The following RBMS1 variants were observed in gnomAD, a reference collection of about 807,000 sequenced individuals.
RBMS1 encodes RNA binding motif single stranded interacting protein 1, also known as RNA-binding motif, single-stranded-interacting protein 1.
Under a neutral mutation model 62.3 loss-of-function variants are expected in RBMS1, and 17 were observed. The ratio of observed to expected loss-of-function variants is 0.27; its 90% CI spans 0.19 to 0.41. The LOEUF (loss-of-function observed/expected upper bound fraction) is 0.41, where lower values mean the gene tolerates loss of function less well. Ranked by LOEUF, RBMS1 falls within the 10% of genes least tolerant of loss-of-function variation. The pLI is 1.00. For missense variants in RBMS1, 334 were observed against 504.5 expected (o/e 0.66, Z 3.24); for synonymous variants, 172 against 170.0 (o/e 1.01, Z -0.09).
chr2:160,453,871 C>T (rs1180345961), intron 1 of RBMS1, among the ~76,000 whole-genome samples: 1 of 152,138 alleles, frequency 6.6e-6, no homozygotes, highest in Non-Finnish European at 1.5e-5. Flanking sequence ...ACTTTGGTGC[C>T]CCTCTACCTT....
chr2:160,318,229 T>TATAAAA lies in RBMS1; in HGVS notation c.252-3_252-2insTTTTAT. ...TTTGTGGAGACTATTTTCCCATATCTAAAAAAAAAAAAAAAAAAAAAAAGG... is the reference window on the plus strand; with the variant it reads ...TTTGTGGAGACTATTTTCCCATATCTATAAAAAAAAAAAAAAAAAAAAAAAAAAAGG... On this transcript the variant is annotated splice_polypyrimidine_tract_variant and splice_region_variant and intron_variant, in intron 2 of 13. Transcript: ENST00000348849. 1 of 1,163,254 alleles carries TATAAAA rather than the reference T, an allele frequency of 8.6e-7. No homozygotes were observed. The highest frequency in any genetic ancestry group is 3.6e-5 in the East Asian group (1 of 28,056). 72.1% of individuals were successfully genotyped at this position (1,163,254 alleles called of 1,614,324 possible). A position where few individuals can be genotyped will look rare whatever the true frequency, so the allele number is the denominator to read the frequency against.
chr2:160,300,541 C>A, intron 6 of RBMS1, 110 bp downstream of exon 6: 2 of 1,356,000 alleles, frequency 1.5e-6, no homozygotes, highest in Non-Finnish European at 9.6e-7. Flanking sequence ...CAAAATGCAT[C>A]TTAAAGAGTG....
intron 2 of RBMS1, among the ~76,000 whole-genome samples, chr2:160,355,840 G>A (rs889840076): frequency 1.3e-5 from 2 of 152,006 alleles, no homozygotes; most frequent in Non-Finnish European, 2.9e-5. Flanking sequence ...TCTACATTAT[G>A]TGTGAAGTTC....
At chr2:160,302,248 G>A (rs1250430176) in intron 5 of RBMS1, among the ~76,000 whole-genome samples, 1 of 151,384 alleles carries the variant, frequency 6.6e-6, no homozygotes, top group Non-Finnish European at 1.5e-5. Flanking sequence ...AGGCTGGAGT[G>A]CACTGGCATG....
At chr2:160,466,709 G>C (rs1258381678) in intron 1 of RBMS1, among the ~76,000 whole-genome samples, 6 of 152,186 alleles carry the variant, frequency 3.9e-5, no homozygotes, top group African/African-American at 1.2e-4. Context: ...TTGTGGATAA[G>C]TAACTTAAGT....
rs1235848518 is a variant in RBMS1 at position 160,300,681 on chromosome 2, T to G, written c.610A>C (p.Lys204Gln). ...ACTCCTGGTGGTGTCTTAATAAATT[T>G]TCCATTAAAATGACCAATAACAGCT... ...CEAVIGHFNG[K>Q]FIKTPPGVSA... Residue 204 changes from lysine (K) to glutamine (Q), a missense_variant, in exon 6 of 14, where the codon AAA becomes CAA. Lys to Gln is a moderately conservative substitution (Grantham distance 53). This residue lies in a region of RBMS1 where 182 missense variants were observed against 257.7 expected (regional missense o/e 0.71). Coordinates refer to ENST00000348849, the MANE Select transcript of RBMS1 (RefSeq NM_016836.4). 1 of 1,603,106 alleles carries G rather than the reference T, an allele frequency of 6.2e-7. No homozygotes were observed. Among genetic ancestry groups the G allele is most frequent in the African/African-American group, 1.3e-5 (1 of 74,628 alleles).
intron 2 of RBMS1, among the ~76,000 whole-genome samples, chr2:160,359,288 C>T (rs1692990380): frequency 6.6e-6 from 1 of 152,126 alleles, no homozygotes; most frequent in Non-Finnish European, 1.5e-5. Context: ...GCAATGAAAC[C>T]TTTGGTCTAT....
intron 4 of RBMS1, among the ~76,000 whole-genome samples, chr2:160,312,674 G>A (rs1011068882): frequency 1.3e-5 from 2 of 152,000 alleles, no homozygotes; most frequent in African/African-American, 4.8e-5. Flanking sequence ...GCCCACATGT[G>A]CATTAAAACT....
At chr2:160,442,161 C>T (rs1180572700) in intron 1 of RBMS1, among the ~76,000 whole-genome samples, 3 of 152,120 alleles carry the variant, frequency 2.0e-5, no homozygotes, top group East Asian at 1.9e-4. Context: ...TGATAATGTC[C>T]GATTTATCAA....
intron 1 of RBMS1, among the ~76,000 whole-genome samples, chr2:160,488,902 A>G (rs1685710798): frequency 6.6e-6 from 1 of 152,210 alleles, no homozygotes; most frequent in South Asian, 2.1e-4. Context: ...TAAACTATTA[A>G]AAATACAAAG....
intron 1 of RBMS1, among the ~76,000 whole-genome samples, chr2:160,374,905 G>A (rs2105174969): frequency 6.6e-6 from 1 of 152,158 alleles, no homozygotes; most frequent in African/African-American, 2.4e-5. Flanking sequence ...ACTCCAGCCT[G>A]GGCAACAAGA....
At chr2:160,400,640 T>C (rs551011124) in intron 1 of RBMS1, among the ~76,000 whole-genome samples, 2 of 152,190 alleles carry the variant, frequency 1.3e-5, no homozygotes, top group Non-Finnish European at 2.9e-5. Context: ...TGAAATTTCA[T>C]ATATATAGCT....
chr2:160,401,274 G>A (rs1234761773), intron 1 of RBMS1, among the ~76,000 whole-genome samples: 1 of 152,162 alleles, frequency 6.6e-6, no homozygotes, highest in Non-Finnish European at 1.5e-5. Context: ...AATGAATAAA[G>A]TGGAGCCAAC....
intron 1 of RBMS1, among the ~76,000 whole-genome samples, chr2:160,463,092 G>GAA (rs11372291): frequency 4.0e-5 from 6 of 149,172 alleles, no homozygotes; most frequent in Admixed American, 1.3e-4. Flanking sequence ...AGAGAAGAAA[G>GAA]AAAAAAAAAA....
chr2:160,407,911 C>G (rs1288985709), intron 1 of RBMS1: 1 of 980,096 alleles, frequency 1.0e-6, no homozygotes, highest in Non-Finnish European at 1.2e-6. Flanking sequence ...CCTGAGAGCG[C>G]GCCGGCCGGG....
At chr2:160,281,081 C>T (rs1261624911) in intron 10 of RBMS1, among the ~76,000 whole-genome samples, 1 of 152,050 alleles carries the variant, frequency 6.6e-6, no homozygotes, top group Non-Finnish European at 1.5e-5. Context: ...GAAAATGGTG[C>T]CCTGCCTCAA....
intron 6 of RBMS1, 36 bp from the exon 7 acceptor site, chr2:160,287,120 T>C (rs1426405646): frequency 1.2e-6 from 2 of 1,610,126 alleles, no homozygotes; most frequent in East Asian, 2.2e-5. Flanking sequence ...GAAACCACAA[T>C]GATACGTGTA....
At chr2:160,442,918 C>T (rs1439242832) in intron 1 of RBMS1, among the ~76,000 whole-genome samples, 1 of 152,058 alleles carries the variant, frequency 6.6e-6, no homozygotes, top group East Asian at 1.9e-4. Context: ...ATTAAAATGA[C>T]CTTGAGGCTG....
At chr2:160,375,032 G>A (rs1693923774) in intron 1 of RBMS1, among the ~76,000 whole-genome samples, 1 of 152,164 alleles carries the variant, frequency 6.6e-6, no homozygotes, top group South Asian at 2.1e-4. Context: ...ATCCCTGGAA[G>A]GCTCAGGTCT....
Sources: gnomAD v4.1 joint callset for allele counts (sites outside exome capture counted in the v4.1 genomes callset) on GRCh38, gnomAD v4.1.1 for gene constraint, gnomAD v4.1.1 regional missense constraint, MANE v1.5 for transcripts, NCBI Gene and HGNC (gene_info 2026-07-23, HGNC 2026-07-21) for gene names.